The following PLEC variants were observed in gnomAD, a reference collection of about 807,000 sequenced individuals.
PLEC encodes the protein plectin.
PLEC carries 216 observed loss-of-function variants against 392.8 expected under a neutral mutation model. That is an observed-to-expected ratio of 0.55 (90% CI 0.49 to 0.62). PLEC has a LOEUF of 0.62. Ranked by LOEUF, PLEC falls within the 20% of genes least tolerant of loss-of-function variation. PLEC has a pLI of 0.00. For synonymous variants in PLEC, 3,621 were observed against 2,980.6 expected (o/e 1.21, Z -7.00); for missense variants, 6,863 against 6,563.4 (o/e 1.05, Z -1.58).
At position 143,924,337 on chromosome 8, in the gene PLEC, C is replaced by G. The variant is rs1554696760; in HGVS notation, c.5592G>C (p.Glu1864Asp). 1.9e-6 allele frequency: 3 copies of G among 1,596,876 alleles called. No homozygotes were observed. Among genetic ancestry groups the G allele is most frequent in the Non-Finnish European group, 2.5e-6 (3 of 1,178,742 alleles). Residue 1864 changes from glutamate to aspartate, a missense_variant, in exon 31 of 32, where the codon GAG becomes GAC. By Grantham distance (45) the Glu-to-Asp change is conservative. Transcript: ENST00000345136. ...IALKEKEAENERLRRLAEDEA... is the reference protein window; with the variant it reads ...IALKEKEAENDRLRRLAEDEA... ...CGTCCTCCGCCAGCCGCCGCAGGCGCTCGTTCTCCGCCTCCTTCTCCTTGA... is the reference window on the plus strand; with the variant it reads ...CGTCCTCCGCCAGCCGCCGCAGGCGGTCGTTCTCCGCCTCCTTCTCCTTGA...
chr8:143,973,384 G>C lies in PLEC; in HGVS notation c.70+19C>G. On this transcript the variant is annotated intron_variant, in intron 1 of 31. Transcript: ENST00000356346. This position sits in a 1 kb window ranked among gnomAD's most constrained non-coding sequence, Gnocchi z 5.6. ...GCTGTCAGGAGCGGCCCGACAGGCAGCGGGACGGGGGGCCGTACCTTTGTA... is the reference window on the plus strand; with the variant it reads ...GCTGTCAGGAGCGGCCCGACAGGCACCGGGACGGGGGGCCGTACCTTTGTA... 1 of 1,559,904 alleles carries C rather than the reference G, an allele frequency of 6.4e-7. No individual in the cohort carries two copies. The highest frequency in any genetic ancestry group is 8.7e-7 in the Non-Finnish European group (1 of 1,153,130).
chr8:143,947,006 G>T (rs1026078415), intron 1 of PLEC, among the ~76,000 whole-genome samples: 21 of 152,150 alleles, frequency 1.4e-4, no homozygotes, highest in African/African-American at 5.1e-4. Context: ...GACCAGTGAA[G>T]TGCAAATCAA....
exon 1 of PLEC, chr8:143,950,795 G>A (rs1384780230): frequency 2.5e-5 from 38 of 1,522,970 alleles, no homozygotes; most frequent in South Asian, 6.0e-5. Flanking sequence ...AAGCTCCCGC[G>A]CTACAGGGTG....
In PLEC at chr8:143,933,363, T is replaced by C. The variant is rs782715801; in HGVS notation, c.1264-12A>G. On this transcript the variant is annotated splice_polypyrimidine_tract_variant and intron_variant, in intron 12 of 31. Coordinates refer to ENST00000345136, the MANE Select transcript of PLEC (RefSeq NM_201384.3). ...AGCAGCCGGACATCCTGCAAGGTCG[T>C]TGCCATGACTCGGAGCACAGCTGAT... is the stretch of plus-strand genomic sequence containing the variant. The C allele has an allele frequency of 1.9e-6, 3 of 1,608,748 alleles. No homozygotes were observed. The highest frequency in any genetic ancestry group is 1.3e-5 in the African/African-American group (1 of 74,898).
chr8:143,932,277 C>T lies in PLEC; in HGVS notation c.1978-43G>A, dbSNP rs116472833. On this transcript the variant is annotated intron_variant, in intron 16 of 31. Coordinates refer to ENST00000345136, the MANE Select transcript of PLEC (RefSeq NM_201384.3). ...GGTCTCAGGGACGGCCGGCCACACC[C>T]GGCTCTGCCACGCTCCCAGCAAACT... 1.3e-3 allele frequency: 2,075 copies of T among 1,608,520 alleles called. 23 individuals are homozygous for T. The African/African-American group carries it at 0.024, about 19-fold the overall frequency.
In PLEC at chr8:143,917,284, C is replaced by T. The variant is rs1554671667; in HGVS notation, c.12537G>A (p.Glu4179=). Residue 4179 remains glutamate (E), a synonymous_variant, in exon 32 of 32, where the codon GAG becomes GAA. Coordinates refer to ENST00000345136, the MANE Select transcript of PLEC (RefSeq NM_201384.3). ...CGTCCGAGGAGGAGATGGTGATCTC[C>T]TCCCACTCGCACTCCTGCTCGGACA... ...LELSEQECEW[E]EITISSSDGV... is the part of the protein sequence containing the mutation. The T allele has an allele frequency of 6.2e-7, 1 of 1,609,754 alleles. No homozygotes were observed. The highest frequency in any genetic ancestry group is 1.7e-5 in the Admixed American group (1 of 59,988).
At chr8:143,971,646 C>T (rs1833436874) in intron 1 of PLEC, among the ~76,000 whole-genome samples, 1 of 152,210 alleles carries the variant, frequency 6.6e-6, no homozygotes, top group East Asian at 1.9e-4. Flanking sequence ...TGTCTCAAGC[C>T]AGGAGCTAAG....
Position 143,932,817 on chromosome 8 carries a change from C to T in PLEC, c.1713G>A (p.Lys571=). ...LHQSIEEFRA[K]IERARSDEGQ... ...CCTCGTCACTCCGTGCCCGCTCGAT[C>T]TTGGCCCGGAATTCTTCGATGGACT... The change falls in exon 14 of 32, where the codon AAG becomes AAA. Residue 571 remains lysine (K), a synonymous_variant. Coordinates refer to ENST00000345136, the MANE Select transcript of PLEC (RefSeq NM_201384.3). The T allele has an allele frequency of 1.2e-6, 2 of 1,612,546 alleles. No individual in the cohort carries two copies. The highest frequency in any genetic ancestry group is 1.7e-6 in the Non-Finnish European group (2 of 1,179,894).
At position 143,931,485 on chromosome 8, in the gene PLEC, A is replaced by G. The variant is rs373882412; in HGVS notation, c.2304+49T>C. The stretch of plus-strand genomic sequence containing the variant: ...TCTCCAGAGTACCCGTGCAGCCCAG[A>G]CTCCAGGCCAGCCCCTCCTGACACG... On this transcript the variant is annotated intron_variant, in intron 19 of 31. Coordinates refer to ENST00000345136, the MANE Select transcript of PLEC (RefSeq NM_201384.3). 6.4e-6 allele frequency: 10 copies of G among 1,553,838 alleles called. No individual in the cohort carries two copies. In the African/African-American group the frequency reaches 1.1e-4, roughly 17 times the overall value.
chr8:143,962,751 A>G (rs185326617), intron 1 of PLEC, among the ~76,000 whole-genome samples: 277 of 152,364 alleles, frequency 1.8e-3, no homozygotes, highest in Non-Finnish European at 2.8e-3. Context: ...ACTTGTAAGC[A>G]ATGAACTTGG....
intron 5 of PLEC, among the ~76,000 whole-genome samples, 153 bp downstream of exon 5, chr8:143,936,826 G>A (rs1554723724): frequency 6.6e-6 from 1 of 152,234 alleles, no homozygotes; most frequent in African/African-American, 2.4e-5. Context: ...GTTGCGGCTG[G>A]CAGGAAGGCA....
chr8:143,967,494 TC>T (rs553829336), intron 1 of PLEC, among the ~76,000 whole-genome samples: 1 of 152,092 alleles, frequency 6.6e-6, no homozygotes, highest in South Asian at 2.1e-4. Flanking sequence ...AAAGTTCTGT[TC>T]CGTGAGCTGG....
Position 143,931,603 on chromosome 8 carries a change from C to T in PLEC, c.2235G>A (p.Leu745=). Residue 745 remains leucine (L), a synonymous_variant, in exon 19 of 32, where the codon CTG becomes CTA. Transcript: ENST00000345136. ...EGQLQKLQEA[L]RRKYSCDRSA... is the part of the protein sequence containing the mutation. ...AGCGATCACAACTGTATTTCCTACG[C>T]AGTGCCTCCTGCAGCTTCTGCAACT... 1 of 1,600,698 alleles carries T rather than the reference C, an allele frequency of 6.2e-7. No homozygotes were observed. The highest frequency in any genetic ancestry group is 8.5e-7 in the Non-Finnish European group (1 of 1,174,112).
chr8:143,929,874 C>G, intron 22 of PLEC, 45 bp from the exon 23 acceptor site: 1 of 1,601,072 alleles, frequency 6.2e-7, no homozygotes, highest in Non-Finnish European at 8.5e-7. Flanking sequence ...GGCGGCCGTG[C>G]CCTGCACAAC....
chr8:143,928,013 A>G, intron 25 of PLEC, 21 bp from the exon 26 acceptor site: 1 of 1,583,648 alleles, frequency 6.3e-7, no homozygotes. Flanking sequence ...AGCGGGGCTC[A>G]GGGCCATGAC....
At chr8:143,930,667 G>C in intron 19 of PLEC, 131 bp from the exon 20 acceptor site, 5 of 965,840 alleles carry the variant, frequency 5.2e-6, no homozygotes, top group South Asian at 3.0e-5. Flanking sequence ...TTGGAAGCAG[G>C]AGGTATAGCT....
At position 143,917,579 on chromosome 8, in the gene PLEC, G is replaced by C. The variant is rs926350647; in HGVS notation, c.12242C>G (p.Thr4081Ser). 75 of 1,613,918 alleles carry C rather than the reference G, an allele frequency of 4.6e-5. No homozygotes were observed. The highest frequency in any genetic ancestry group is 6.3e-5 in the Non-Finnish European group (74 of 1,180,020). Residue 4081 changes from threonine to serine, a missense_variant, in exon 32 of 32, where the codon ACC (threonine) becomes AGC (serine). Coordinates refer to ENST00000345136, the MANE Select transcript of PLEC (RefSeq NM_201384.3). ...LFDEEMNEIL[T>S]DPSDDTKGFF... Reference sequence around the variant, plus strand: ...GCCCTTGGTGTCGTCCGAGGGGTCGGTCAGGATCTCGTTCATCTCCTCATC... The same window carrying C: ...GCCCTTGGTGTCGTCCGAGGGGTCGCTCAGGATCTCGTTCATCTCCTCATC...
rs782167419 is a variant in PLEC, at chr8:143,919,742, A to G, written c.10079T>C (p.Ile3360Thr). The change falls in exon 32 of 32, where the codon ATC (isoleucine) becomes ACC (threonine). Residue 3360 changes from isoleucine to threonine, a missense_variant. Coordinates refer to ENST00000345136, the MANE Select transcript of PLEC (RefSeq NM_201384.3). ...CTTCTCCTTGGTGTCCTCCAGGTAGATGCCGGCGAGGCAGCCACTGCCCTG... is the reference window on the plus strand; with the variant it reads ...CTTCTCCTTGGTGTCCTCCAGGTAGGTGCCGGCGAGGCAGCCACTGCCCTG... ...LLQGSGCLAG[I>T]YLEDTKEKVS... 2 of 1,608,976 alleles carry G rather than the reference A, an allele frequency of 1.2e-6. No homozygotes were observed. Among genetic ancestry groups the G allele is most frequent in the Admixed American group, 3.3e-5 (2 of 59,926 alleles).
intron 3 of PLEC, chr8:143,937,859 G>A (rs1829464187): frequency 1.6e-6 from 1 of 610,390 alleles, no homozygotes; most frequent in Non-Finnish European, 3.1e-6. Context: ...AGAAACCAAA[G>A]CAAAGCGGAG....
Sources: gnomAD v4.1 joint callset for allele counts (sites outside exome capture counted in the v4.1 genomes callset) on GRCh38, gnomAD v4.1.1 for gene constraint, Gnocchi (gnomAD v3.1) non-coding constraint, MANE v1.5 for transcripts, NCBI Gene and HGNC (gene_info 2026-07-23, HGNC 2026-07-21) for gene names.